The following NISCH variants were observed in gnomAD, a reference collection of about 807,000 sequenced individuals.
NISCH encodes nischarin, also known as I-1 receptor candidate protein.
A neutral mutation model predicts 138.4 loss-of-function variants in NISCH; 55 were observed. The observed-to-expected ratio is 0.40, with a 90% confidence interval of 0.32 to 0.50. NISCH has a LOEUF of 0.50. NISCH is among the 20% of genes least tolerant of loss of function. The pLI, the probability that NISCH is intolerant of heterozygous loss-of-function variation, is 0.71. For missense variants in NISCH, 1,643 were observed against 2,005.5 expected (o/e 0.82, Z 3.45); for synonymous variants, 860 against 861.5 (o/e 1.00, Z 0.03).
intron 3 of NISCH, among the ~76,000 whole-genome samples, chr3:52,461,143 C>T (rs1559622824): frequency 6.6e-6 from 1 of 152,188 alleles, no homozygotes; most frequent in Non-Finnish European, 1.5e-5. Flanking sequence ...AGGAGAGAGG[C>T]ATGAGAGTCG....
intron 14 of NISCH, 84 bp downstream of exon 14, chr3:52,484,721 T>C: frequency 6.6e-7 from 1 of 1,514,742 alleles, no homozygotes; most frequent in Non-Finnish European, 9.1e-7. Context: ...GGAAGTGGCC[T>C]AGCTGGAGCT....
rs145761574 is a variant in NISCH, at chr3:52,487,476, G to A, written c.1984G>A (p.Val662Met). The change falls in exon 16 of 21, where the codon GTG becomes ATG. Residue 662 changes from valine to methionine, a missense_variant. Transcript: ENST00000345716. The surrounding 1 kb of genome is among the most constrained non-coding windows in gnomAD (Gnocchi z 9.1). Reference protein sequence around the residue: ...NRYFEMGPPDVEEEEGGGQGE... With the variant: ...NRYFEMGPPDMEEEEGGGQGE... ...CTACTTTGAAATGGGGCCCCCAGAC[G>A]TGGAGGAGGAGGAGGGAGGAGGCCA... The A allele has an allele frequency of 1.9e-5, 30 of 1,602,446 alleles. No individual in the cohort carries two copies. Among genetic ancestry groups the A allele is most frequent in the African/African-American group, 5.4e-5 (4 of 74,702 alleles).
intron 13 of NISCH, chr3:52,480,988 C>A: frequency 6.9e-7 from 1 of 1,446,278 alleles, no homozygotes; most frequent in South Asian, 1.4e-5. Context: ...AGGCTCGGGA[C>A]ACGCAGGAAA....
chr3:52,480,600 TG>T, intron 13 of NISCH: 2 of 1,431,966 alleles, frequency 1.4e-6, no homozygotes, highest in Non-Finnish European at 1.8e-6. Context: ...TCGGGGCTGT[TG>T]GCTCATGGGA....
In NISCH at chr3:52,492,679, T is replaced by C. The variant is rs1197791294; in HGVS notation, c.*197T>C. ...GTGAGAATGCCGGGCCCCTCAGGGC[T>C]GTCGGTGTGCTGTCAGCCTCCCACA... On this transcript the variant is annotated 3_prime_UTR_variant, in exon 21 of 21. Coordinates refer to ENST00000345716, the MANE Select transcript of NISCH (RefSeq NM_007184.4). 3 of 742,050 alleles carry C rather than the reference T, an allele frequency of 4.0e-6. No homozygotes were observed. Among genetic ancestry groups the C allele is most frequent in the Non-Finnish European group, 6.3e-6 (3 of 472,712 alleles). 46.0% of individuals were successfully genotyped at this position (742,050 alleles called of 1,614,324 possible).
chr3:52,482,451 G>A (rs948447549), intron 13 of NISCH, among the ~76,000 whole-genome samples: 1 of 152,222 alleles, frequency 6.6e-6, no homozygotes, highest in Non-Finnish European at 1.5e-5. Context: ...GCTGTGTGGA[G>A]AGGTGGTTAG....
chr3:52,476,950 G>A (rs903684702), intron 8 of NISCH, among the ~76,000 whole-genome samples: 11 of 152,140 alleles, frequency 7.2e-5, no homozygotes, highest in African/African-American at 2.7e-4. Context: ...CAGGAGAATC[G>A]CTTGAACCCG....
chr3:52,465,432 C>G (rs1176425920), intron 3 of NISCH, among the ~76,000 whole-genome samples: 7 of 152,186 alleles, frequency 4.6e-5, no homozygotes, highest in African/African-American at 1.7e-4. Context: ...ACCCAGCCTG[C>G]AGTGTGGATT....
chr3:52,481,463 T>C, intron 13 of NISCH: 1 of 985,580 alleles, frequency 1.0e-6, no homozygotes, highest in East Asian at 1.1e-4. Context: ...TGGTTGCATT[T>C]TATTACATAA....
At chr3:52,484,772 C>A in intron 14 of NISCH, 135 bp downstream of exon 14, 1 of 862,334 alleles carries the variant, frequency 1.2e-6, no homozygotes, top group Non-Finnish European at 1.8e-6. Context: ...CTGCTTTGTG[C>A]CACGGTCTTT....
chr3:52,466,752 G>C (rs555892289), intron 3 of NISCH, among the ~76,000 whole-genome samples: 17 of 152,140 alleles, frequency 1.1e-4, no homozygotes, highest in Admixed American at 1.1e-3. Flanking sequence ...TTGAGTGTAG[G>C]TGTATGTGTT....
intron 15 of NISCH, 81 bp downstream of exon 15, chr3:52,485,908 G>A (rs1707390913): frequency 7.0e-7 from 1 of 1,420,650 alleles, no homozygotes; most frequent in Non-Finnish European, 9.7e-7. Flanking sequence ...GGGGTGGCCA[G>A]TCAGGTTTTT....
intron 1 of NISCH, 96 bp from the exon 2 acceptor site, chr3:52,457,747 T>C (rs1706514529): frequency 5.3e-6 from 5 of 941,650 alleles, no homozygotes; most frequent in Non-Finnish European, 8.7e-6. Context: ...TGATAAAAGA[T>C]AATTGGGAAA....
intron 1 of NISCH, among the ~76,000 whole-genome samples, chr3:52,457,136 A>G (rs1162806461): frequency 6.6e-6 from 1 of 152,188 alleles, no homozygotes; most frequent in Non-Finnish European, 1.5e-5. Context: ...TGGAGGAACT[A>G]AGGCTCAGAG....
chr3:52,476,030 G>C (rs1405956801), intron 7 of NISCH: 4 of 204,500 alleles, frequency 2.0e-5, no homozygotes, highest in African/African-American at 9.3e-5. Context: ...CCCAGCTACT[G>C]GGGAGGCTAA....
chr3:52,481,974 CT>C, intron 13 of NISCH: 1 of 950,878 alleles, frequency 1.1e-6, no homozygotes, highest in Non-Finnish European at 1.3e-6. Flanking sequence ...AAGGACTCTC[CT>C]GATGTCTCCG....
chr3:52,492,519 G>A lies in NISCH; in HGVS notation c.*37G>A, dbSNP rs2240897. The A allele has an allele frequency of 4.4e-3, 6,694 of 1,538,784 alleles. 221 individuals are homozygous for A. In the East Asian group the frequency reaches 0.078, roughly 18 times the overall value. ...GCCAGCCTGTCGTGTCCAGCCTGAC[G>A]CCTACTGGGGCAGGGCAGCAGGCTT... On this transcript the variant is annotated 3_prime_UTR_variant, in exon 21 of 21. Coordinates refer to ENST00000345716, the MANE Select transcript of NISCH (RefSeq NM_007184.4).
Position 52,491,920 on chromosome 3 carries a change from C to T in NISCH, c.3953C>T (p.Thr1318Ile). Reference sequence around the variant, plus strand: ...ATCCACTCTAGTCGCGTCAAGTTTACCTACCCCAGTGAGGAGGAGATTGGG... The same window carrying T: ...ATCCACTCTAGTCGCGTCAAGTTTATCTACCCCAGTGAGGAGGAGATTGGG... Reference protein sequence around the residue: ...ELIHSSRVKFTYPSEEEIGDL... With the variant: ...ELIHSSRVKFIYPSEEEIGDL... Residue 1318 changes from threonine to isoleucine, a missense_variant, in exon 21 of 21, where the codon ACC becomes ATC. Physicochemically the swap from Thr to Ile is moderately conservative, Grantham distance 89. Coordinates refer to ENST00000345716, the MANE Select transcript of NISCH (RefSeq NM_007184.4). 1.2e-6 allele frequency: 2 copies of T among 1,612,694 alleles called. No homozygotes were observed. The highest frequency in any genetic ancestry group is 2.2e-5 in the South Asian group (2 of 90,946).
intron 6 of NISCH, 28 bp from the exon 7 acceptor site, chr3:52,473,706 T>C: frequency 6.6e-7 from 1 of 1,506,404 alleles, no homozygotes; most frequent in Non-Finnish European, 9.2e-7. Flanking sequence ...GGATTCTGTT[T>C]CTGAGATGCA....
Sources: gnomAD v4.1 joint callset for allele counts (sites outside exome capture counted in the v4.1 genomes callset) on GRCh38, gnomAD v4.1.1 for gene constraint, Gnocchi (gnomAD v3.1) non-coding constraint, MANE v1.5 for transcripts, NCBI Gene and HGNC (gene_info 2026-07-23, HGNC 2026-07-21) for gene names.